Variants in YBEY observed in about 807,000 individuals in gnomAD.
YBEY encodes the protein ybeY metalloendoribonuclease.
YBEY carries 15 observed loss-of-function variants against 13.5 expected under a neutral mutation model. The observed-to-expected ratio is 1.11, with a 90% CI of 0.75 to 1.72. The LOEUF (loss-of-function observed/expected upper bound fraction) is 1.72, where lower values mean the gene tolerates loss of function less well. Among genes scored for constraint, YBEY ranks in the 40% most tolerant of loss-of-function variants. YBEY has a pLI of 0.00. For synonymous variants in YBEY, 101 were observed against 83.1 expected, an observed-to-expected ratio of 1.21 and a Z score of -1.17; for missense variants, 244 against 208.4, an observed-to-expected ratio of 1.17 and a Z score of -1.05.
chr21:46,303,737 ATATATATATTTTTTTTT>A, the YBEY span, among the ~76,000 whole-genome samples: 17 of 30,196 alleles, frequency 5.6e-4, no homozygotes, highest in African/African-American at 1.5e-3. Flanking sequence ...ATATATATAT[ATATATATATTTTTTTTT>A]TTTTTTTTTT....
At chr21:46,307,722 T>G in the YBEY span, among the ~76,000 whole-genome samples, 1 of 152,052 alleles carries the variant, frequency 6.6e-6, no homozygotes, top group Non-Finnish European at 1.5e-5. Flanking sequence ...AGCACAGGGG[T>G]TGGGATAGGC....
At chr21:46,289,446 G>T (rs77143399) in intron 2 of YBEY, among the ~76,000 whole-genome samples, 55,373 of 138,860 alleles carry the variant, frequency 0.4, 11,699 homozygotes, top group Non-Finnish European at 0.45. Flanking sequence ...CAAGGGTTTT[G>T]TTTTTTTTTT....
At chr21:46,304,706 TG>T in the YBEY span, among the ~76,000 whole-genome samples, 6 of 152,182 alleles carry the variant, frequency 3.9e-5, no homozygotes, top group Non-Finnish European at 7.3e-5. Flanking sequence ...AGAGACTGTG[TG>T]GCTGTATTTC....
In YBEY at chr21:46,296,169, C is replaced by T. The variant is rs752532825; in HGVS notation, c.347C>T (p.Ala116Val). ...TTAAAATTATTCTGACAGGTGACGG[C>T]CACCCACGGACTCTGTCACTTGCTG... ...EDYNDVLTVT[A>V]THGLCHLLGF... The change falls in exon 4 of 5, where the codon GCC becomes GTC. Residue 116 changes from alanine to valine, a missense_variant. Transcript: ENST00000397701. 1 of 1,613,698 alleles carries T rather than the reference C, an allele frequency of 6.2e-7. No homozygotes were observed. Among genetic ancestry groups the T allele is most frequent in the African/African-American group, 1.3e-5 (1 of 74,916 alleles).
the YBEY span, among the ~76,000 whole-genome samples, chr21:46,312,374 A>G: frequency 6.6e-6 from 1 of 152,032 alleles, no homozygotes; most frequent in Non-Finnish European, 1.5e-5. Context: ...GCTGGAGTGC[A>G]ATGGTACAAC....
At chr21:46,287,983 G>T (rs2081531881) in intron 2 of YBEY, among the ~76,000 whole-genome samples, 1 of 151,606 alleles carries the variant, frequency 6.6e-6, no homozygotes, top group African/African-American at 2.4e-5. Flanking sequence ...TTGCACTCCA[G>T]CCTGGGCAAG....
At chr21:46,310,712 G>A in the YBEY span, among the ~76,000 whole-genome samples, 3 of 151,416 alleles carry the variant, frequency 2.0e-5, no homozygotes, top group Non-Finnish European at 2.9e-5. Flanking sequence ...GGGAGGCTGA[G>A]GCAGGAGAAG....
chr21:46,298,325 G>A (rs2082016004), downstream of YBEY, among the ~76,000 whole-genome samples: 2 of 152,180 alleles, frequency 1.3e-5, no homozygotes, highest in South Asian at 2.1e-4. Context: ...TCCTGAAGTC[G>A]CTGCACCACC....
rs184329801 is a variant in YBEY, at chr21:46,296,618, T to G, written c.408+388T>G. The stretch of plus-strand genomic sequence containing the variant: ...CTACGGAGGCCCACGTGGGCTCCGG[T>G]CCACATGGTTAACACGCACGCAAGC... On this transcript the variant is annotated intron_variant, in intron 4 of 4. Transcript: ENST00000397701. Among the ~76,000 whole-genome samples the G allele has an allele frequency of 5.2e-4, 79 of 152,294 alleles. 1 individual carries two copies. Among genetic ancestry groups the G allele is most frequent in the Non-Finnish European group, 9.0e-4 (61 of 68,034 alleles).
At chr21:46,292,326 G>A (rs2081750342) in intron 3 of YBEY, 1 of 152,240 alleles carries the variant, frequency 6.6e-6, no homozygotes, top group South Asian at 2.1e-4. Flanking sequence ...AGCAAGGCCT[G>A]CGGGCTGGTT....
At chr21:46,291,241 T>TTA in intron 2 of YBEY, 93 bp from the exon 3 acceptor site, 1 of 1,497,460 alleles carries the variant, frequency 6.7e-7, no homozygotes, top group South Asian at 1.2e-5. Context: ...AGATAAGTGC[T>TTA]TATTTGCCTT....
At chr21:46,300,692 C>T, downstream of YBEY, 25 of 1,283,522 alleles carry the variant, frequency 1.9e-5, no homozygotes, top group South Asian at 3.0e-4. Flanking sequence ...AGCTCAGTGG[C>T]AACTCTCTGG....
At chr21:46,295,443 C>T (rs1308183396) in intron 3 of YBEY, among the ~76,000 whole-genome samples, 5 of 152,176 alleles carry the variant, frequency 3.3e-5, no homozygotes, top group South Asian at 2.1e-4. Context: ...CCATAAACCC[C>T]CTTGGTGCTG....
chr21:46,312,497 T>C, the YBEY span, among the ~76,000 whole-genome samples: 1 of 152,042 alleles, frequency 6.6e-6, no homozygotes, highest in African/African-American at 2.4e-5. Flanking sequence ...TTTTGTGTTT[T>C]TAGTATAGAC....
At chr21:46,302,008 G>C (rs2082124948), downstream of YBEY, 1 of 1,531,844 alleles carries the variant, frequency 6.5e-7, no homozygotes, top group African/African-American at 1.4e-5. Context: ...CTCAGGGTGG[G>C]CCAGGCGTCC....
At chr21:46,296,330 A>C in intron 4 of YBEY, 100 bp downstream of exon 4, 1 of 1,323,508 alleles carries the variant, frequency 7.6e-7, no homozygotes, top group South Asian at 1.2e-5. Flanking sequence ...CCGCCCCCGC[A>C]GGAACTGGAC....
At chr21:46,301,124 C>A (rs1443159317), downstream of YBEY, 4 of 980,640 alleles carry the variant, frequency 4.1e-6, no homozygotes, top group Admixed American at 1.3e-4. Flanking sequence ...TCACGTCATA[C>A]ACAGCTTGCT....
chr21:46,311,076 G>A, the YBEY span, among the ~76,000 whole-genome samples: 3 of 151,784 alleles, frequency 2.0e-5, no homozygotes, highest in African/African-American at 7.3e-5. Context: ...TTCACCCTGT[G>A]GGCCAGGCTG....
the YBEY span, chr21:46,311,654 T>TCCAA: frequency 4.8e-5 from 32 of 669,208 alleles, no homozygotes; most frequent in South Asian, 2.1e-4. Flanking sequence ...CACCCACCCA[T>TCCAA]CCAACCAACC....
Sources: allele counts gnomAD v4.1 joint callset (sites outside exome capture counted in the v4.1 genomes callset), GRCh38; gene constraint gnomAD v4.1.1; transcripts MANE v1.5; gene names NCBI Gene and HGNC (gene_info 2026-07-23, HGNC 2026-07-21).